The following SUMF1 variants were observed in gnomAD, a reference collection of about 807,000 sequenced individuals.
SUMF1 encodes the protein sulfatase modifying factor 1.
SUMF1 carries 48 observed loss-of-function variants against 47.6 expected under a neutral mutation model. That is an observed-to-expected ratio of 1.01 (90% confidence interval 0.80 to 1.28). The LOEUF (loss-of-function observed/expected upper bound fraction) is 1.28. Ranked by LOEUF, SUMF1 falls within the 50% of genes most tolerant of loss-of-function variation. SUMF1 has a pLI of 0.00. For missense variants in SUMF1, 571 were observed against 485.4 expected (o/e 1.18, Z -1.66); for synonymous variants, 230 against 192.1 (o/e 1.20, Z -1.63).
chr3:4,108,090 G>C (rs1003425009), intron 8 of SUMF1, among the ~76,000 whole-genome samples: 2 of 152,122 alleles, frequency 1.3e-5, no homozygotes, highest in Non-Finnish European at 2.9e-5. Flanking sequence ...ACTGTAGGTT[G>C]CTATTCATAA....
At chr3:4,103,689 TATGTATC>T (rs1208073254) in intron 8 of SUMF1, among the ~76,000 whole-genome samples, 2 of 152,142 alleles carry the variant, frequency 1.3e-5, no homozygotes, top group South Asian at 2.1e-4. Context: ...ATACACTTAC[TATGTATC>T]AGGTCCTGTG....
intron 8 of SUMF1, among the ~76,000 whole-genome samples, chr3:4,189,022 A>G (rs1574963538): frequency 2.0e-5 from 3 of 152,266 alleles, no homozygotes; most frequent in South Asian, 4.1e-4. Flanking sequence ...TCTAGCTCAT[A>G]TTCTATAGTT....
In SUMF1 at chr3:4,196,509, T is replaced by C. The variant is rs114812610; in HGVS notation, c.1015-127764A>G. Among the ~76,000 whole-genome samples the C allele has an allele frequency of 7.4e-3, 1,124 of 152,238 alleles. 6 individuals carry two copies. Among genetic ancestry groups the C allele is most frequent in the Non-Finnish European group, 0.012 (782 of 67,988 alleles). On this transcript the variant is annotated intron_variant and NMD_transcript_variant, in intron 8 of 12. Coordinates refer to the SUMF1 transcript ENST00000448413. The stretch of plus-strand genomic sequence containing the variant: ...CCGAAGCCAGCCATACTAATATGGA[T>C]ATCTGCATTCCTAGCCCTGGCACCT...
Position 4,350,372 on chromosome 3 carries a change from A to G in SUMF1, c.1014+25958T>C, listed in dbSNP as rs139320804. On this transcript the variant is annotated intron_variant and NMD_transcript_variant, in intron 8 of 12. Coordinates refer to the SUMF1 transcript ENST00000448413. ...GTGTGTGTATAATTGTGTGTGTATA[A>G]TTGTGTGTGTATAATTGTGTGTATA... Among the ~76,000 whole-genome samples, 21 of 149,274 alleles carry G rather than the reference A, an allele frequency of 1.4e-4. No individual in the cohort carries two copies. In the East Asian group the frequency reaches 3.7e-3, roughly 27 times the overall value.
At chr3:4,317,608 G>T in intron 8 of SUMF1, 1 of 157,212 alleles carries the variant, frequency 6.4e-6, no homozygotes, top group Admixed American at 6.3e-5. Flanking sequence ...GAAGAACAAA[G>T]CTTTTCTTTA....
rs75868267 is a variant in SUMF1, at chr3:4,146,501, G to A, written c.1015-77756C>T. On this transcript the variant is annotated intron_variant and NMD_transcript_variant, in intron 8 of 12. Coordinates refer to the SUMF1 transcript ENST00000448413. Reference sequence around the variant, plus strand: ...TATGAAAAAGTAGAACAAAAAGTCGGTAGTTATAGATAGCACCAAGACTCT... The same window carrying A: ...TATGAAAAAGTAGAACAAAAAGTCGATAGTTATAGATAGCACCAAGACTCT... Among the ~76,000 whole-genome samples, 636 of 152,026 alleles carry A rather than the reference G, an allele frequency of 4.2e-3. 8 individuals carry two copies. The highest frequency in any genetic ancestry group is 0.015 in the African/African-American group (604 of 41,460).
At chr3:4,216,699 C>A (rs997471435) in intron 8 of SUMF1, among the ~76,000 whole-genome samples, 1 of 152,088 alleles carries the variant, frequency 6.6e-6, no homozygotes, top group Admixed American at 6.6e-5. Flanking sequence ...AAAAAGTGGG[C>A]AAAGGATATG....
intron 8 of SUMF1, among the ~76,000 whole-genome samples, chr3:4,266,921 GT>G: frequency 6.6e-6 from 1 of 151,548 alleles, no homozygotes. Flanking sequence ...TTTATTGAGA[GT>G]TTTTAGCATG....
intron 7 of SUMF1, among the ~76,000 whole-genome samples, chr3:4,384,815 T>A (rs1037077888): frequency 6.6e-6 from 1 of 152,188 alleles, no homozygotes; most frequent in Non-Finnish European, 1.5e-5. Context: ...GAACATAAGT[T>A]TTCATCCCTT....
At chr3:4,059,643 G>A (rs1238524962) in intron 9 of SUMF1, among the ~76,000 whole-genome samples, 1 of 151,942 alleles carries the variant, frequency 6.6e-6, no homozygotes, top group Non-Finnish European at 1.5e-5. Flanking sequence ...CTGAGTATAC[G>A]CAGTCACAAT....
At chr3:4,040,020 A>G (rs1694881991) in intron 9 of SUMF1, among the ~76,000 whole-genome samples, 1 of 151,986 alleles carries the variant, frequency 6.6e-6, no homozygotes, top group Admixed American at 6.5e-5. Flanking sequence ...CTGTCTCAAG[A>G]AAAAAAATGT....
intron 8 of SUMF1, among the ~76,000 whole-genome samples, chr3:4,193,475 C>T (rs58213238): frequency 0.046 from 7,068 of 152,166 alleles, 452 homozygotes; most frequent in East Asian, 0.18. Flanking sequence ...GAATTTGTGG[C>T]TGGCATTTTA....
intron 7 of SUMF1, among the ~76,000 whole-genome samples, chr3:4,387,254 T>G (rs1700705930): frequency 6.6e-6 from 1 of 152,038 alleles, no homozygotes; most frequent in South Asian, 2.1e-4. Context: ...GTTTTAAAAT[T>G]TCTAATTCTA....
intron 7 of SUMF1, among the ~76,000 whole-genome samples, chr3:4,381,673 T>C (rs954540595): frequency 6.6e-6 from 1 of 152,124 alleles, no homozygotes; most frequent in Non-Finnish European, 1.5e-5. Context: ...CTCAGGAAAA[T>C]AGAAGAGTTA....
chr3:4,375,424 C>A (rs887566627), intron 8 of SUMF1, among the ~76,000 whole-genome samples: 2 of 152,058 alleles, frequency 1.3e-5, no homozygotes, highest in African/African-American at 4.8e-5. Flanking sequence ...GAAGAAAAAT[C>A]AAATCAGAAT....
chr3:4,388,624 A>G (rs898558447), intron 7 of SUMF1, among the ~76,000 whole-genome samples: 2 of 151,444 alleles, frequency 1.3e-5, no homozygotes, highest in Non-Finnish European at 3.0e-5. Flanking sequence ...TCTGTTCTCT[A>G]TTTTTTTGTC....
chr3:4,109,897 G>A (rs1173658900), intron 8 of SUMF1, among the ~76,000 whole-genome samples: 1 of 152,070 alleles, frequency 6.6e-6, no homozygotes, highest in East Asian at 1.9e-4. Context: ...GGAGTAGTTT[G>A]ATTGTCTGAA....
chr3:4,035,317 AG>A (rs1694773416), intron 9 of SUMF1, among the ~76,000 whole-genome samples: 1 of 152,158 alleles, frequency 6.6e-6, no homozygotes, highest in Non-Finnish European at 1.5e-5. Flanking sequence ...GCTAGAGTGA[AG>A]AATCCTTTGC....
intron 8 of SUMF1, among the ~76,000 whole-genome samples, chr3:4,248,387 C>T (rs1434204668): frequency 6.6e-6 from 1 of 152,178 alleles, no homozygotes; most frequent in Non-Finnish European, 1.5e-5. Context: ...ACCAGTACCT[C>T]ATTAATTCAA....
Sources: gnomAD v4.1 joint callset for allele counts (sites outside exome capture counted in the v4.1 genomes callset) on GRCh38, gnomAD v4.1.1 for gene constraint, MANE v1.5 for transcripts, NCBI Gene and HGNC (gene_info 2026-07-23, HGNC 2026-07-21) for gene names.